The following CAMTA1 variants were observed in gnomAD, a reference collection of about 807,000 sequenced individuals.
CAMTA1 encodes calmodulin-binding transcription activator 1.
A neutral mutation model predicts 170.9 loss-of-function variants in CAMTA1; 27 were observed. The observed-to-expected ratio is 0.16, with a 90% confidence interval of 0.12 to 0.22. The LOEUF is 0.22. Ranked by LOEUF, CAMTA1 falls within the 10% of genes least tolerant of loss-of-function variation. CAMTA1 has a pLI of 1.00. For missense variants in CAMTA1, 1,619 were observed against 2,217.2 expected (o/e 0.73, Z 5.42); for synonymous variants, 833 against 891.5 (o/e 0.93, Z 1.17).
intron 5 of CAMTA1, among the ~76,000 whole-genome samples, chr1:7,337,747 C>T (rs1001883868): frequency 6.6e-6 from 1 of 152,192 alleles, no homozygotes; most frequent in Non-Finnish European, 1.5e-5. Flanking sequence ...GCCTTGAGAG[C>T]AGACCGAGGT....
rs966908778 is a variant in CAMTA1, at chr1:7,518,654, C to T, written c.510+50753C>T. On this transcript the variant is annotated intron_variant, in intron 6 of 22. Transcript: ENST00000303635. ...CCAGCGCTGGTTCCAGGAGAAGGGCCGGGCTGGCCTGGTGCAGGGAGGATG... is the reference window on the plus strand; with the variant it reads ...CCAGCGCTGGTTCCAGGAGAAGGGCTGGGCTGGCCTGGTGCAGGGAGGATG... Among the ~76,000 whole-genome samples the T allele has an allele frequency of 8.5e-5, 13 of 152,088 alleles. No homozygotes were observed. The East Asian group carries it at 9.7e-4, about 11-fold the overall frequency.
chr1:6,800,510 C>T (rs1461433505), intron 1 of CAMTA1, among the ~76,000 whole-genome samples: 2 of 152,076 alleles, frequency 1.3e-5, no homozygotes, highest in Non-Finnish European at 2.9e-5. Context: ...TTTGTTCAGA[C>T]ATAGATGAGG....
At chr1:7,411,584 CT>C (rs1230933916) in intron 5 of CAMTA1, among the ~76,000 whole-genome samples, 2 of 133,718 alleles carry the variant, frequency 1.5e-5, no homozygotes, top group Admixed American at 7.5e-5. Flanking sequence ...AAATAACTTT[CT>C]TTTTTTTTAA....
chr1:7,327,406 C>CAAA (rs34737058), intron 5 of CAMTA1, among the ~76,000 whole-genome samples: 17 of 87,884 alleles, frequency 1.9e-4, no homozygotes, highest in South Asian at 4.5e-4. Flanking sequence ...GACTCCATCT[C>CAAA]AAAAAAAAAA....
At chr1:6,900,416 T>A in intron 3 of CAMTA1, among the ~76,000 whole-genome samples, 1 of 151,538 alleles carries the variant, frequency 6.6e-6, no homozygotes, top group Non-Finnish European at 1.5e-5. Flanking sequence ...CTTAAGTTTT[T>A]TTTTCTGGAA....
At chr1:7,472,165 A>G (rs1009547892) in intron 6 of CAMTA1, among the ~76,000 whole-genome samples, 1 of 152,176 alleles carries the variant, frequency 6.6e-6, no homozygotes, top group Admixed American at 6.5e-5. Context: ...GGCAGCACAG[A>G]CCAAGCCTGT....
chr1:6,802,143 G>C (rs529906973), intron 1 of CAMTA1, among the ~76,000 whole-genome samples: 1 of 152,210 alleles, frequency 6.6e-6, no homozygotes, highest in Admixed American at 6.5e-5. Context: ...GTGCAGCTGG[G>C]CAGTGGGAAC....
At chr1:7,594,787 A>T (rs918752345) in intron 6 of CAMTA1, among the ~76,000 whole-genome samples, 1 of 152,248 alleles carries the variant, frequency 6.6e-6, no homozygotes, top group Non-Finnish European at 1.5e-5. Context: ...GAAGAGCTGC[A>T]TGGAAGGTTC....
chr1:7,534,339 T>C lies in CAMTA1; in HGVS notation c.510+66438T>C, dbSNP rs147779917. On this transcript the variant is annotated intron_variant, in intron 6 of 22. Transcript: ENST00000303635. This position sits in a 1 kb window ranked among gnomAD's most constrained non-coding sequence, Gnocchi z 5.6. ...TCAACATCCCCCTCCAAGCATCCAT[T>C]CTAGAAAGGGAGGAATTAAATCTTC... Among the ~76,000 whole-genome samples, 2,278 of 152,192 alleles carry C rather than the reference T, an allele frequency of 0.015. 59 individuals are homozygous for C. Among genetic ancestry groups the C allele is most frequent in the African/African-American group, 0.052 (2,139 of 41,518 alleles).
At chr1:7,446,792 T>C (rs2092691820) in intron 5 of CAMTA1, among the ~76,000 whole-genome samples, 1 of 152,142 alleles carries the variant, frequency 6.6e-6, no homozygotes, top group African/African-American at 2.4e-5. Flanking sequence ...TTGACATCCC[T>C]TCCCCGGGGC....
rs1384411586 is a variant in CAMTA1, at chr1:7,456,368, T to C, written c.439-11462T>C. 2.0e-5 allele frequency among the ~76,000 whole-genome samples: 3 copies of C among 152,186 alleles called. No homozygotes were observed. The highest frequency in any genetic ancestry group is 7.2e-5 in the African/African-American group (3 of 41,434). On this transcript the variant is annotated intron_variant, in intron 5 of 22. Coordinates refer to ENST00000303635, the MANE Select transcript of CAMTA1 (RefSeq NM_015215.4). The surrounding 1 kb of genome is among the most constrained non-coding windows in gnomAD (Gnocchi z 4.9). ...ACTCTGGAGACCAGCTCTAGCCACT[T>C]GGCAGGGCTCCAAGAAATAGGTCTC...
At chr1:7,241,814 A>G (rs1664905479) in intron 4 of CAMTA1, among the ~76,000 whole-genome samples, 1 of 152,230 alleles carries the variant, frequency 6.6e-6, no homozygotes, top group Non-Finnish European at 1.5e-5. Context: ...AAAATGGATC[A>G]TGACCTAAAT....
At chr1:7,625,286 A>C (rs530469386) in intron 6 of CAMTA1, among the ~76,000 whole-genome samples, 1 of 152,242 alleles carries the variant, frequency 6.6e-6, no homozygotes, top group Non-Finnish European at 1.5e-5. Context: ...GGTGGCCTCA[A>C]GGGCCAAGAG....
chr1:7,455,683 G>A lies in CAMTA1; in HGVS notation c.439-12147G>A, dbSNP rs555967597. Among the ~76,000 whole-genome samples, 93 of 152,352 alleles carry A rather than the reference G, an allele frequency of 6.1e-4. No homozygotes were observed. The highest frequency in any genetic ancestry group is 1.9e-3 in the East Asian group (10 of 5,176). On this transcript the variant is annotated intron_variant, in intron 5 of 22. Coordinates refer to ENST00000303635, the MANE Select transcript of CAMTA1 (RefSeq NM_015215.4). The surrounding 1 kb of genome is among the most constrained non-coding windows in gnomAD (Gnocchi z 5.0). ...GTCACAGGTGCCTAGAGCGGGCGGC[G>A]CTGGGGAGCTGGATGCCAGCAGGCT...
intron 6 of CAMTA1, among the ~76,000 whole-genome samples, chr1:7,495,203 C>T (rs558572894): frequency 1.3e-5 from 2 of 152,336 alleles, no homozygotes; most frequent in South Asian, 4.1e-4. Context: ...CCTGCATCCT[C>T]GTGAGAGACG....
chr1:6,814,636 A>G (rs1645574095), intron 1 of CAMTA1, among the ~76,000 whole-genome samples: 1 of 152,176 alleles, frequency 6.6e-6, no homozygotes, highest in South Asian at 2.1e-4. Context: ...TAGCCTCCCT[A>G]ACTATCTAGG....
At chr1:7,399,646 T>C (rs2149194253) in intron 5 of CAMTA1, among the ~76,000 whole-genome samples, 1 of 152,362 alleles carries the variant, frequency 6.6e-6, no homozygotes, top group East Asian at 1.9e-4. Context: ...CCTTAAGTAT[T>C]TCTTGTGAGG....
At chr1:7,243,510 T>C (rs1003457113) in intron 4 of CAMTA1, among the ~76,000 whole-genome samples, 2 of 152,212 alleles carry the variant, frequency 1.3e-5, no homozygotes, top group African/African-American at 4.8e-5. Context: ...ATTGTTTCTG[T>C]CAGGTTTGTC....
rs886505302 is a variant in CAMTA1 at position 7,634,994 on chromosome 1, A to G, written c.511-5406A>G. 6.6e-6 allele frequency among the ~76,000 whole-genome samples: 1 copy of G among 152,054 alleles called. No homozygotes were observed. The highest frequency in any genetic ancestry group is 2.4e-5 in the African/African-American group (1 of 41,404). On this transcript the variant is annotated intron_variant, in intron 6 of 22. Coordinates refer to ENST00000303635, the MANE Select transcript of CAMTA1 (RefSeq NM_015215.4). This position sits in a 1 kb window ranked among gnomAD's most constrained non-coding sequence, Gnocchi z 6.2. ...CCACGGCTCTTCCAGAAGGCTGTGGAACTTCTCTGAGACTTTTACTTATCC... is the reference window on the plus strand; with the variant it reads ...CCACGGCTCTTCCAGAAGGCTGTGGGACTTCTCTGAGACTTTTACTTATCC...
Sources: allele counts gnomAD v4.1 joint callset (sites outside exome capture counted in the v4.1 genomes callset), GRCh38; gene constraint gnomAD v4.1.1; non-coding constraint Gnocchi (gnomAD v3.1); transcripts MANE v1.5; gene names NCBI Gene and HGNC (gene_info 2026-07-23, HGNC 2026-07-21).